FKBP15: variants seen among roughly 807,000 people sequenced by gnomAD.
FKBP15 encodes the protein FKBP prolyl isomerase family member 15, also known as FK506-binding protein 15.
A neutral mutation model predicts 158.1 loss-of-function variants in FKBP15; 106 were observed. The observed-to-expected ratio is 0.67, with a 90% CI of 0.57 to 0.79. FKBP15 has a LOEUF of 0.79. Among genes scored for constraint, FKBP15 ranks in the 30% least tolerant of loss-of-function variants. FKBP15 has a pLI of 0.00. For synonymous variants in FKBP15, 547 were observed against 548.6 expected (o/e 1.00, Z 0.04); for missense variants, 1,287 against 1,479.1 (o/e 0.87, Z 2.13).
intron 17 of FKBP15, 113 bp from the exon 18 acceptor site, chr9:113,183,958 C>T: frequency 1.3e-6 from 1 of 756,640 alleles, no homozygotes; most frequent in Non-Finnish European, 2.2e-6. Context: ...TGAGACAAAA[C>T]ACTAGAACTT....
chr9:113,178,584 T>G, intron 20 of FKBP15, 46 bp downstream of exon 20: 140 of 1,528,154 alleles, frequency 9.2e-5, no homozygotes, highest in Non-Finnish European at 1.1e-4. Context: ...CTTAATTCCT[T>G]GAGTTTAAAT....
chr9:113,189,178 C>A (rs1830533389), intron 12 of FKBP15, among the ~76,000 whole-genome samples: 1 of 152,176 alleles, frequency 6.6e-6, no homozygotes, highest in African/African-American at 2.4e-5. Context: ...TTCAGACATT[C>A]TTTTACTTTA....
At chr9:113,214,109 C>A (rs981036353) in intron 1 of FKBP15, among the ~76,000 whole-genome samples, 2 of 152,122 alleles carry the variant, frequency 1.3e-5, no homozygotes, top group Non-Finnish European at 2.9e-5. Flanking sequence ...ATTCTCCCAC[C>A]TCAGCCTCTC....
intron 11 of FKBP15, among the ~76,000 whole-genome samples, chr9:113,191,238 T>C (rs1830568898): frequency 6.6e-6 from 1 of 151,934 alleles, no homozygotes; most frequent in East Asian, 1.9e-4. Context: ...AGTGGCGTGA[T>C]CTCGGCTCAC....
At chr9:113,187,386 C>T in intron 14 of FKBP15, 1 of 160,262 alleles carries the variant, frequency 6.2e-6, no homozygotes, top group Non-Finnish European at 1.4e-5. Context: ...ATAGCAGAGT[C>T]AAGCTACATT....
Position 113,168,540 on chromosome 9 carries a change from C to G in FKBP15, c.3502G>C (p.Glu1168Gln). The G allele has an allele frequency of 6.2e-7, 1 of 1,613,976 alleles. No homozygotes were observed. The highest frequency in any genetic ancestry group is 8.5e-7 in the Non-Finnish European group (1 of 1,179,842). ...SQRSSLSGDE[E>Q]DELFKGATLK... is the part of the protein sequence containing the mutation. ...GTTGCCCCTTTAAACAGTTCATCCT[C>G]TTCATCCCCAGAGAGACTGAAGGAA... Residue 1168 changes from glutamate to glutamine, a missense_variant, in exon 27 of 28, where the codon GAG becomes CAG. Coordinates refer to ENST00000238256, the MANE Select transcript of FKBP15 (RefSeq NM_015258.2).
At chr9:113,197,660 C>T (rs1469327473) in intron 8 of FKBP15, among the ~76,000 whole-genome samples, 1 of 152,178 alleles carries the variant, frequency 6.6e-6, no homozygotes, top group African/African-American at 2.4e-5. Context: ...CAGAGCAAGA[C>T]TCAGTTTCCC....
At chr9:113,173,650 A>G in intron 22 of FKBP15, 45 bp from the exon 23 acceptor site, 1 of 1,588,656 alleles carries the variant, frequency 6.3e-7, no homozygotes, top group Non-Finnish European at 8.6e-7. Flanking sequence ...GGGGTGGGGG[A>G]GTGAGATTCC....
intron 17 of FKBP15, 99 bp from the exon 18 acceptor site, chr9:113,183,944 G>T: frequency 1.2e-6 from 1 of 854,000 alleles, no homozygotes; most frequent in Non-Finnish European, 1.9e-6. Context: ...TTGTTAACAT[G>T]TTTTGAGACA....
chr9:113,165,804 T>A lies in FKBP15; in HGVS notation c.*274A>T, dbSNP rs937327177. On this transcript the variant is annotated 3_prime_UTR_variant, in exon 28 of 28. Transcript: ENST00000238256. ...AAAGTCTGGCAGAGGACAGGACTCT[T>A]ACAGGTGACTGGCTTGGAGGGGAAC... is the stretch of plus-strand genomic sequence containing the variant. The A allele has an allele frequency of 4.5e-5, 17 of 374,620 alleles. No individual in the cohort carries two copies. Among genetic ancestry groups the A allele is most frequent in the African/African-American group, 3.5e-4 (17 of 48,802 alleles). 23.2% of individuals were successfully genotyped at this position (374,620 alleles called of 1,614,324 possible). A position where few individuals can be genotyped will look rare whatever the true frequency, so the allele number is the denominator to read the frequency against.
At chr9:113,171,357 C>T (rs367680522) in intron 24 of FKBP15, among the ~76,000 whole-genome samples, 2 of 152,172 alleles carry the variant, frequency 1.3e-5, no homozygotes, top group African/African-American at 2.4e-5. Context: ...ACCTGGGAGG[C>T]GGAGGTTGCA....
At chr9:113,212,225 G>A (rs886216446) in intron 1 of FKBP15, among the ~76,000 whole-genome samples, 1 of 151,812 alleles carries the variant, frequency 6.6e-6, no homozygotes, top group African/African-American at 2.4e-5. Context: ...GTTTCACTCT[G>A]TTGCCCAGGC....
At chr9:113,187,334 G>A (rs1194709067) in intron 14 of FKBP15, 1 of 157,884 alleles carries the variant, frequency 6.3e-6, no homozygotes, top group African/African-American at 2.4e-5. Context: ...ATTGTTTTCT[G>A]TGATAACAGG....
chr9:113,166,798 T>C (rs372772608), intron 27 of FKBP15, among the ~76,000 whole-genome samples: 43 of 152,316 alleles, frequency 2.8e-4, no homozygotes, highest in African/African-American at 1.0e-3. Context: ...TGATGGGCCA[T>C]GAGAGACCCT....
intron 2 of FKBP15, among the ~76,000 whole-genome samples, chr9:113,208,345 C>CA (rs1587974634): frequency 6.6e-6 from 1 of 151,156 alleles, no homozygotes; most frequent in African/African-American, 2.4e-5. Context: ...TCAAAAAAAA[C>CA]AAAAAAACAA....
Position 113,211,456 on chromosome 9 carries a change from G to A in FKBP15, c.169+21C>T, listed in dbSNP as rs1189134511. 4.4e-6 allele frequency: 7 copies of A among 1,581,348 alleles called. No individual in the cohort carries two copies. In the African/African-American group the frequency reaches 5.4e-5, roughly 12 times the overall value. On this transcript the variant is annotated intron_variant, in intron 2 of 27. Transcript: ENST00000238256. ...TTACAGGCATTAGCCACCTCGCTCG[G>A]CTAATACACTCTTAACTTACCTGTT...
rs757852701 is a variant in FKBP15 at position 113,178,651 on chromosome 9, T to C, written c.2065A>G (p.Lys689Glu). The C allele has an allele frequency of 1.2e-5, 19 of 1,610,088 alleles. No homozygotes were observed. Among genetic ancestry groups the C allele is most frequent in the Non-Finnish European group, 1.6e-5 (19 of 1,178,522 alleles). The change falls in exon 20 of 28, where the codon AAA (lysine) becomes GAA (glutamate). Residue 689 changes from lysine (K) to glutamate (E), a missense_variant. Lys to Glu is a moderately conservative substitution (Grantham distance 56, BLOSUM62 1). Transcript: ENST00000238256. ...ATACCTGAGAGCTTTGCCTGCACTTTGGTGAGCTGGCCCCTGAGAAGATCT... is the reference window on the plus strand; with the variant it reads ...ATACCTGAGAGCTTTGCCTGCACTTCGGTGAGCTGGCCCCTGAGAAGATCT... The part of the protein sequence containing the change: ...ETDLLRGQLT[K>E]VQAKLSELQE...
At chr9:113,207,381 C>T in intron 2 of FKBP15, 85 bp from the exon 3 acceptor site, 2 of 1,001,814 alleles carry the variant, frequency 2.0e-6, no homozygotes, top group South Asian at 2.9e-5. Context: ...ACTTTGTCAC[C>T]CAGGCTGGAG....
In FKBP15 at chr9:113,164,530, C is replaced by G. The variant is rs1398547059; in HGVS notation, c.*1548G>C. 2 of 152,200 alleles carry G rather than the reference C, an allele frequency of 1.3e-5. No homozygotes were observed. Among genetic ancestry groups the G allele is most frequent in the African/African-American group, 4.8e-5 (2 of 41,442 alleles). The allele number at this position is 152,200 out of a possible 1,614,324, so 9.4% of individuals were successfully genotyped here. ...TAATTTACAATAAGAAATAACTGCC[C>G]TAGAAAGTAGACTATGTCACACCTT... On this transcript the variant is annotated 3_prime_UTR_variant, in exon 28 of 28. Coordinates refer to ENST00000238256, the MANE Select transcript of FKBP15 (RefSeq NM_015258.2).
Sources: allele counts gnomAD v4.1 joint callset (sites outside exome capture counted in the v4.1 genomes callset), GRCh38; gene constraint gnomAD v4.1.1; transcripts MANE v1.5; gene names NCBI Gene and HGNC (gene_info 2026-07-23, HGNC 2026-07-21).